CSMD3: variants seen among roughly 807,000 people sequenced by gnomAD.
CSMD3 encodes CUB and Sushi multiple domains 3, also known as CUB and sushi domain-containing protein 3.
CSMD3 carries 177 observed loss-of-function variants against 435.2 expected under a neutral mutation model. The ratio of observed to expected loss-of-function variants is 0.41; its 90% CI spans 0.36 to 0.46. CSMD3 has a LOEUF of 0.46. Ranked by LOEUF, CSMD3 falls within the 20% of genes least tolerant of loss-of-function variation. The probability of loss-of-function intolerance (pLI) is 0.34; values close to 1 mark genes in which losing one functional copy is unlikely to be tolerated. For missense variants in CSMD3, 4,265 were observed against 4,504.6 expected (o/e 0.95, Z 1.52); for synonymous variants, 1,656 against 1,520.5 (o/e 1.09, Z -2.07).
Position 112,313,888 on chromosome 8 carries a change from G to A in CSMD3, c.7696+18C>T. On this transcript the variant is annotated intron_variant, in intron 49 of 70. Coordinates refer to ENST00000297405, the MANE Select transcript of CSMD3 (RefSeq NM_198123.2). The stretch of plus-strand genomic sequence containing the variant: ...AGATGATAGTGAGATCTGTCCTGAA[G>A]TTATAAGTTTTACATACCTATATAT... 1.3e-6 allele frequency: 2 copies of A among 1,589,668 alleles called. No individual in the cohort carries two copies. Among genetic ancestry groups the A allele is most frequent in the South Asian group, 1.1e-5 (1 of 90,580 alleles).
intron 6 of CSMD3, among the ~76,000 whole-genome samples, chr8:112,992,186 T>TTTTC (rs200141208): frequency 0.017 from 2,547 of 151,826 alleles, 39 homozygotes; most frequent in Middle Eastern, 0.037. Context: ...CTTCCTTCTT[T>TTTTC]TTTCTTTCTT....
intron 20 of CSMD3, among the ~76,000 whole-genome samples, chr8:112,643,990 CTT>C (rs1250966067): frequency 6.6e-6 from 1 of 151,368 alleles, no homozygotes; most frequent in African/African-American, 2.4e-5. Flanking sequence ...TTTGTTTTGA[CTT>C]TTTCTTTTTT....
At chr8:113,297,450 C>A (rs1218072997) in intron 2 of CSMD3, among the ~76,000 whole-genome samples, 4 of 149,436 alleles carry the variant, frequency 2.7e-5, no homozygotes, top group Non-Finnish European at 5.9e-5. Flanking sequence ...GAAAAATTTA[C>A]CTAACAATTT....
intron 67 of CSMD3, among the ~76,000 whole-genome samples, 153 bp from the exon 68 acceptor site, chr8:112,234,630 C>T (rs568494092): frequency 7.9e-4 from 121 of 152,218 alleles, no homozygotes; most frequent in African/African-American, 2.8e-3. Flanking sequence ...ACCTATAATG[C>T]TCTTTGCAAA....
intron 16 of CSMD3, among the ~76,000 whole-genome samples, chr8:112,681,195 C>T (rs1009639118): frequency 1.2e-4 from 18 of 151,508 alleles, no homozygotes; most frequent in Non-Finnish European, 8.8e-5. Context: ...CCACCACACC[C>T]GGCTAGTTTT....
At chr8:112,983,855 CTGT>C (rs2085146353) in intron 6 of CSMD3, among the ~76,000 whole-genome samples, 1 of 151,924 alleles carries the variant, frequency 6.6e-6, no homozygotes, top group African/African-American at 2.4e-5. Flanking sequence ...ATGGTGTTGA[CTGT>C]GAAAGGGTTG....
intron 3 of CSMD3, among the ~76,000 whole-genome samples, chr8:113,192,447 A>G (rs532312265): frequency 4.0e-5 from 6 of 151,626 alleles, no homozygotes; most frequent in Non-Finnish European, 8.9e-5. Flanking sequence ...CCTCTGCTTT[A>G]TAAAAAAGCT....
At chr8:112,978,190 T>G (rs2084924012) in intron 6 of CSMD3, among the ~76,000 whole-genome samples, 1 of 151,926 alleles carries the variant, frequency 6.6e-6, no homozygotes, top group Non-Finnish European at 1.5e-5. Flanking sequence ...ACTATAAACA[T>G]ATGTTGGTAA....
At chr8:112,772,822 T>C (rs1483837495) in intron 13 of CSMD3, among the ~76,000 whole-genome samples, 1 of 152,088 alleles carries the variant, frequency 6.6e-6, no homozygotes, top group Admixed American at 6.6e-5. Flanking sequence ...TTTATGTATA[T>C]GCACATCAAA....
intron 9 of CSMD3, among the ~76,000 whole-genome samples, chr8:112,931,593 C>A (rs1478864910): frequency 6.6e-6 from 1 of 150,944 alleles, no homozygotes; most frequent in East Asian, 1.9e-4. Flanking sequence ...GAAAAATAGA[C>A]AAATGGGACT....
chr8:112,336,433 T>G (rs1824560549), intron 44 of CSMD3, among the ~76,000 whole-genome samples: 2 of 152,202 alleles, frequency 1.3e-5, no homozygotes, highest in South Asian at 4.1e-4. Context: ...TATGAAGTCT[T>G]TGTTCCACAA....
chr8:112,835,646 T>C (rs891481460), intron 11 of CSMD3, among the ~76,000 whole-genome samples: 7 of 151,820 alleles, frequency 4.6e-5, no homozygotes, highest in African/African-American at 1.7e-4. Flanking sequence ...ACACATCTTA[T>C]GTGTATAAAT....
At chr8:112,679,416 G>C (rs2075838567) in intron 16 of CSMD3, among the ~76,000 whole-genome samples, 1 of 151,964 alleles carries the variant, frequency 6.6e-6, no homozygotes, top group South Asian at 2.1e-4. Flanking sequence ...CTTGCTATTG[G>C]GTCCACAAAC....
intron 49 of CSMD3, among the ~76,000 whole-genome samples, chr8:112,311,673 T>C (rs776439391): frequency 1.9e-4 from 29 of 152,228 alleles, no homozygotes; most frequent in Middle Eastern, 3.2e-3. Context: ...TCTATTAAAG[T>C]GTGCCCATTC....
At chr8:112,453,694 A>G (rs1410101715) in intron 32 of CSMD3, among the ~76,000 whole-genome samples, 1 of 152,200 alleles carries the variant, frequency 6.6e-6, no homozygotes, top group African/African-American at 2.4e-5. Flanking sequence ...TGCCAAAAGC[A>G]ATCTACAAAT....
rs559904999 is a variant in CSMD3, at chr8:112,271,601, C to T, written c.9509-6011G>A. ...GTTTAAATCTTACATTCTACAGTTA[C>T]TAGCTATGTTACCATGGAAAAGAAA... On this transcript the variant is annotated intron_variant, in intron 59 of 70. Transcript: ENST00000297405. Among the ~76,000 whole-genome samples the T allele has an allele frequency of 7.9e-5, 12 of 152,180 alleles. No individual in the cohort carries two copies. The South Asian group carries it at 2.5e-3, about 32-fold the overall frequency.
chr8:112,393,061 A>T (rs1448970438), intron 35 of CSMD3, among the ~76,000 whole-genome samples: 1 of 151,834 alleles, frequency 6.6e-6, no homozygotes. Context: ...GCTAATTTTT[A>T]TATAGCTAAT....
intron 3 of CSMD3, among the ~76,000 whole-genome samples, chr8:113,273,950 TAA>T (rs2093549955): frequency 6.6e-6 from 1 of 152,010 alleles, no homozygotes. Context: ...TAGAGCTAAA[TAA>T]AATATAAGAA....
At chr8:112,745,785 T>C (rs2132075660) in intron 13 of CSMD3, among the ~76,000 whole-genome samples, 1 of 151,136 alleles carries the variant, frequency 6.6e-6, no homozygotes, top group Admixed American at 6.6e-5. Flanking sequence ...TAATACAAAA[T>C]GCCCCTAGAT....
Sources: allele counts gnomAD v4.1 joint callset (sites outside exome capture counted in the v4.1 genomes callset), GRCh38; gene constraint gnomAD v4.1.1; transcripts MANE v1.5; gene names NCBI Gene and HGNC (gene_info 2026-07-23, HGNC 2026-07-21).